Variants in SECISBP2L observed in about 807,000 individuals in gnomAD.
SECISBP2L encodes the protein selenocysteine insertion sequence-binding protein 2-like.
In SECISBP2L, 43 loss-of-function variants were observed where a neutral mutation model predicts 114.7. The ratio of observed to expected loss-of-function variants is 0.38; its 90% CI spans 0.29 to 0.48. The LOEUF (loss-of-function observed/expected upper bound fraction) is 0.48. Among genes scored for constraint, SECISBP2L ranks in the 20% least tolerant of loss-of-function variants. The pLI is 0.98. For missense variants in SECISBP2L, 1,136 were observed against 1,301.1 expected, an observed-to-expected ratio of 0.87 and a Z score of 1.95; for synonymous variants, 451 against 439.7, an observed-to-expected ratio of 1.03 and a Z score of -0.32.
intron 17 of SECISBP2L, 50 bp from the exon 18 acceptor site, chr15:48,992,976 C>A (rs745826156): frequency 2.1e-6 from 3 of 1,462,854 alleles, no homozygotes; most frequent in Admixed American, 2.1e-5. Flanking sequence ...GTTTCAAAAT[C>A]ATGCAACTCT....
At chr15:49,016,092 G>T (rs916775480) in intron 11 of SECISBP2L, among the ~76,000 whole-genome samples, 7 of 152,214 alleles carry the variant, frequency 4.6e-5, no homozygotes, top group Non-Finnish European at 8.8e-5. Flanking sequence ...TTAGTTAGGA[G>T]TCTGGCTTCA....
intron 1 of SECISBP2L, among the ~76,000 whole-genome samples, chr15:49,042,167 T>G (rs139772568): frequency 2.0e-3 from 302 of 152,368 alleles, no homozygotes; most frequent in Non-Finnish European, 3.2e-3. Context: ...TTTAACTTAT[T>G]ATTTTCTCTT....
At chr15:49,045,305 T>C (rs542845220) in intron 1 of SECISBP2L, among the ~76,000 whole-genome samples, 1 of 152,344 alleles carries the variant, frequency 6.6e-6, no homozygotes, top group South Asian at 2.1e-4. Flanking sequence ...TACAGGAATT[T>C]GGGAAATCTT....
intron 14 of SECISBP2L, among the ~76,000 whole-genome samples, chr15:49,003,526 A>G (rs1344587212): frequency 6.6e-6 from 1 of 152,180 alleles, no homozygotes; most frequent in Non-Finnish European, 1.5e-5. Context: ...TGGTTTTCAA[A>G]GGGAATGCTT....
At chr15:49,034,664 C>CTT (rs745310543) in intron 3 of SECISBP2L, among the ~76,000 whole-genome samples, 1 of 63,372 alleles carries the variant, frequency 1.6e-5, no homozygotes, top group Non-Finnish European at 3.8e-5. Flanking sequence ...GAAAGTATAT[C>CTT]TTTTGTTTTT....
At chr15:49,015,350 CA>C (rs1216975653) in intron 11 of SECISBP2L, among the ~76,000 whole-genome samples, 5 of 152,088 alleles carry the variant, frequency 3.3e-5, no homozygotes, top group Admixed American at 2.6e-4. Flanking sequence ...TATATACATT[CA>C]GTACTATTTG....
intron 3 of SECISBP2L, among the ~76,000 whole-genome samples, chr15:49,034,479 T>C (rs1488438147): frequency 6.6e-6 from 1 of 151,924 alleles, no homozygotes; most frequent in East Asian, 1.9e-4. Flanking sequence ...CACATATTTA[T>C]CTTCCATTTT....
intron 15 of SECISBP2L, 56 bp downstream of exon 15, chr15:49,000,817 TATTC>T: frequency 7.4e-6 from 10 of 1,348,106 alleles, no homozygotes; most frequent in Non-Finnish European, 1.0e-5. Flanking sequence ...TTCTACTTTA[TATTC>T]ACTGTATATC....
intron 14 of SECISBP2L, among the ~76,000 whole-genome samples, chr15:49,001,459 C>CT (rs35210250): frequency 0.17 from 25,227 of 144,394 alleles, 3,547 homozygotes; most frequent in African/African-American, 0.4. Context: ...ACATCGTATT[C>CT]TTTTTTTTTT....
intron 13 of SECISBP2L, among the ~76,000 whole-genome samples, chr15:49,010,821 C>T (rs1007239470): frequency 3.9e-5 from 6 of 152,202 alleles, no homozygotes; most frequent in Admixed American, 2.6e-4. Flanking sequence ...CCACGTGTAT[C>T]TTCTTACCTT....
intron 16 of SECISBP2L, among the ~76,000 whole-genome samples, chr15:48,997,823 C>T (rs1902125244): frequency 6.6e-6 from 1 of 152,170 alleles, no homozygotes; most frequent in South Asian, 2.1e-4. Context: ...GAGCCGAGAT[C>T]ATGCCATTGC....
At chr15:49,011,409 G>A (rs866124991) in intron 13 of SECISBP2L, 69 of 208,740 alleles carry the variant, frequency 3.3e-4, no homozygotes, top group African/African-American at 1.3e-3. Context: ...TATTTTGGAC[G>A]TAAAAGAAAA....
chr15:49,002,410 C>T (rs1490823396), intron 14 of SECISBP2L, among the ~76,000 whole-genome samples: 1 of 152,200 alleles, frequency 6.6e-6, no homozygotes, highest in Non-Finnish European at 1.5e-5. Context: ...TGCCTATTCA[C>T]TCTGACGATA....
At chr15:49,041,563 G>A (rs556925207) in intron 1 of SECISBP2L, among the ~76,000 whole-genome samples, 2 of 152,272 alleles carry the variant, frequency 1.3e-5, no homozygotes, top group South Asian at 2.1e-4. Flanking sequence ...CAAAGCACAC[G>A]TCGGCAGAGA....
chr15:49,019,280 T>A, intron 8 of SECISBP2L, 138 bp downstream of exon 8: 1 of 643,642 alleles, frequency 1.6e-6, no homozygotes, highest in South Asian at 6.5e-5. Flanking sequence ...AGTTAATACT[T>A]CTGAGTAATT....
chr15:49,017,076 A>T, intron 9 of SECISBP2L, 61 bp from the exon 10 acceptor site: 2 of 1,540,416 alleles, frequency 1.3e-6, no homozygotes, highest in East Asian at 4.5e-5. Context: ...CATAAGGAAA[A>T]AGGATCCAGA....
chr15:49,014,809 TG>T (rs1267159723), intron 11 of SECISBP2L, among the ~76,000 whole-genome samples: 2 of 39,094 alleles, frequency 5.1e-5, no homozygotes, highest in African/African-American at 1.0e-4. Context: ...GCTAAATGTT[TG>T]TTTATGTATA....
chr15:49,020,043 G>A (rs1426027166), intron 7 of SECISBP2L, among the ~76,000 whole-genome samples: 1 of 151,924 alleles, frequency 6.6e-6, no homozygotes, highest in East Asian at 1.9e-4. Context: ...TAGATCAGTG[G>A]ATTCTAGGGG....
At chr15:49,025,767 C>G (rs186264021) in intron 7 of SECISBP2L, among the ~76,000 whole-genome samples, 1 of 152,158 alleles carries the variant, frequency 6.6e-6, no homozygotes, top group East Asian at 1.9e-4. Flanking sequence ...AAAGGAAACT[C>G]GTATACACAT....
Sources: gnomAD v4.1 joint callset for allele counts (sites outside exome capture counted in the v4.1 genomes callset) on GRCh38, gnomAD v4.1.1 for gene constraint, MANE v1.5 for transcripts, NCBI Gene and HGNC (gene_info 2026-07-23, HGNC 2026-07-21) for gene names.